FGD4: variants seen among roughly 807,000 people sequenced by gnomAD.
FGD4 encodes the protein FYVE, RhoGEF and PH domain-containing protein 4.
A neutral mutation model predicts 102.0 loss-of-function variants in FGD4; 42 were observed. The ratio of observed to expected loss-of-function variants is 0.41; its 90% confidence interval spans 0.32 to 0.53. FGD4 has a LOEUF of 0.53. FGD4 is among the 20% of genes least tolerant of loss of function. FGD4 has a pLI of 0.21. For missense variants in FGD4, 902 were observed against 1,078.2 expected (o/e 0.84, Z 2.29); for synonymous variants, 380 against 375.7 (o/e 1.01, Z -0.13).
At chr12:32,451,300 T>G (rs1942767815) in intron 1 of FGD4, among the ~76,000 whole-genome samples, 1 of 152,208 alleles carries the variant, frequency 6.6e-6, no homozygotes, top group East Asian at 1.9e-4. Context: ...ATATGTTACA[T>G]AAATGTTATA....
chr12:32,427,440 T>C (rs1212707899), intron 1 of FGD4, among the ~76,000 whole-genome samples: 1 of 152,256 alleles, frequency 6.6e-6, no homozygotes, highest in African/African-American at 2.4e-5. Flanking sequence ...CTATTTGTTA[T>C]GATTTCCATT....
chr12:32,625,823 A>T lies in FGD4; in HGVS notation c.2172+44A>T, dbSNP rs200709184. 8.9e-5 allele frequency: 143 copies of T among 1,611,416 alleles called. No homozygotes were observed. The African/African-American group carries it at 1.8e-3, about 20-fold the overall frequency. ...TCATTAAGGTTGCTAGTAACTATAT[A>T]AGTGATGTAAAGTCATCAACTAGGG... On this transcript the variant is annotated intron_variant, in intron 14 of 16. Transcript: ENST00000534526.
chr12:32,524,073 T>C (rs1358448277), intron 1 of FGD4, among the ~76,000 whole-genome samples: 1 of 151,484 alleles, frequency 6.6e-6, no homozygotes, highest in East Asian at 2.0e-4. Context: ...TAATAATAGT[T>C]ATAATTAAAC....
intron 1 of FGD4, among the ~76,000 whole-genome samples, chr12:32,428,413 G>A (rs1941923129): frequency 6.6e-6 from 1 of 152,204 alleles, no homozygotes; most frequent in South Asian, 2.1e-4. Context: ...CTGGCTTGTA[G>A]GGTTTCTGCA....
chr12:32,620,520 C>CTTTTT (rs1233071153), intron 11 of FGD4, among the ~76,000 whole-genome samples: 208 of 91,118 alleles, frequency 2.3e-3, no homozygotes, highest in East Asian at 6.9e-3. Flanking sequence ...TTTTTTCTTT[C>CTTTTT]TTTTTTTTTT....
rs1217295676 is a variant in FGD4, at chr12:32,598,696, A to G, written c.1101+110A>G. 6.9e-6 allele frequency: 6 copies of G among 869,970 alleles called. No individual in the cohort carries two copies. The East Asian group carries it at 1.0e-4, about 15-fold the overall frequency. The allele number at this position is 869,970 out of a possible 1,614,324, so 53.9% of individuals were successfully genotyped here. A position where few individuals can be genotyped will look rare whatever the true frequency, so the allele number is the denominator to read the frequency against. On this transcript the variant is annotated intron_variant, in intron 5 of 16. Transcript: ENST00000534526. ...ATGAAGGAAGGGCCTGTTTTTGGCT[A>G]GTGAAAGGTACTTGCTCAAGGAAAT...
chr12:32,605,298 G>C (rs1948708166), intron 7 of FGD4, among the ~76,000 whole-genome samples: 1 of 150,624 alleles, frequency 6.6e-6, no homozygotes, highest in Admixed American at 6.7e-5. Flanking sequence ...TAGCCAGAAG[G>C]TCTGCCTCAT....
chr12:32,634,499 C>A (rs969514126), intron 15 of FGD4, among the ~76,000 whole-genome samples: 1 of 151,996 alleles, frequency 6.6e-6, no homozygotes, highest in African/African-American at 2.4e-5. Flanking sequence ...CAGACCCCCC[C>A]ACCCCAAGCC....
intron 2 of FGD4, among the ~76,000 whole-genome samples, chr12:32,565,344 A>T (rs1028658856): frequency 1.3e-5 from 2 of 152,214 alleles, no homozygotes; most frequent in African/African-American, 4.8e-5. Context: ...ATAATTGATG[A>T]TTCAGATGAG....
At chr12:32,587,187 CAAAAAAA>C (rs1181469038) in intron 4 of FGD4, among the ~76,000 whole-genome samples, 3,099 of 66,138 alleles carry the variant, frequency 0.047, 136 homozygotes, top group African/African-American at 0.14. Flanking sequence ...GAGACTCTCT[CAAAAAAA>C]AAAAAAAAAA....
At chr12:32,471,576 T>C (rs2136519639) in intron 1 of FGD4, among the ~76,000 whole-genome samples, 1 of 152,360 alleles carries the variant, frequency 6.6e-6, no homozygotes, top group East Asian at 1.9e-4. Context: ...TGGCTATTTA[T>C]TGCAGTGTAA....
At chr12:32,625,112 T>G in intron 13 of FGD4, 44 bp downstream of exon 13, 1 of 1,494,268 alleles carries the variant, frequency 6.7e-7, no homozygotes, top group Non-Finnish European at 9.3e-7. Context: ...TTCATATCTT[T>G]GCAGGTGTAG....
At chr12:32,577,104 T>C (rs1946187834) in intron 3 of FGD4, among the ~76,000 whole-genome samples, 1 of 152,168 alleles carries the variant, frequency 6.6e-6, no homozygotes, top group African/African-American at 2.4e-5. Context: ...AGGTGAAATA[T>C]TATATTTCTC....
At chr12:32,598,799 C>T (rs1316043633) in intron 5 of FGD4, among the ~76,000 whole-genome samples, 1 of 152,190 alleles carries the variant, frequency 6.6e-6, no homozygotes, top group Non-Finnish European at 1.5e-5. Flanking sequence ...AGGTTTCTCT[C>T]TATGAATCAC....
chr12:32,459,274 A>G (rs1053218372), intron 1 of FGD4, among the ~76,000 whole-genome samples: 1 of 149,904 alleles, frequency 6.7e-6, no homozygotes, highest in African/African-American at 2.5e-5. Context: ...GCTCACTGCA[A>G]CCTCCACCTC....
chr12:32,627,177 C>T (rs1169188750), intron 14 of FGD4, among the ~76,000 whole-genome samples: 3 of 137,474 alleles, frequency 2.2e-5, no homozygotes, highest in African/African-American at 5.6e-5. Flanking sequence ...TTTTTTGAGA[C>T]AGAGTCTCAC....
chr12:32,582,616 G>C, intron 4 of FGD4, 149 bp downstream of exon 4: 1 of 974,944 alleles, frequency 1.0e-6, no homozygotes, highest in Non-Finnish European at 1.5e-6. Context: ...CTGCTGATTA[G>C]CATTTCCCCT....
At position 32,412,899 on chromosome 12, in the gene FGD4, ATTTTTT is replaced by A. The variant is rs869107334; in HGVS notation, c.166+12960_166+12965del. Among the ~76,000 whole-genome samples the A allele has an allele frequency of 2.9e-3, 248 of 86,986 alleles. 4 individuals carry two copies. Among genetic ancestry groups the A allele is most frequent in the African/African-American group, 0.013 (229 of 18,300 alleles). 57.1% of individuals were successfully genotyped at this position (86,986 alleles called of 152,430 possible). A position where few individuals can be genotyped will look rare whatever the true frequency, so the allele number is the denominator to read the frequency against. The stretch of plus-strand genomic sequence containing the variant: ...CTGTCCAGAGACCCCTTTTCTAGAA[ATTTTTT>A]TTTTTTTTTTTTTTTTTTTAATTAG... On this transcript the variant is annotated intron_variant, in intron 1 of 16. Coordinates refer to ENST00000534526, the MANE Select transcript of FGD4 (RefSeq NM_001370298.3).
At chr12:32,623,410 A>T (rs1949964687) in intron 11 of FGD4, among the ~76,000 whole-genome samples, 1 of 152,190 alleles carries the variant, frequency 6.6e-6, no homozygotes, top group African/African-American at 2.4e-5. Flanking sequence ...GTGAACAATA[A>T]GCAGAAGCTT....
Sources: allele counts gnomAD v4.1 joint callset (sites outside exome capture counted in the v4.1 genomes callset), GRCh38; gene constraint gnomAD v4.1.1; transcripts MANE v1.5; gene names NCBI Gene and HGNC (gene_info 2026-07-23, HGNC 2026-07-21).